HPSE2: variants seen among roughly 807,000 people sequenced by gnomAD.
The protein encoded by HPSE2 is heparanase 2 (inactive).
In HPSE2, 38 loss-of-function variants were observed where a neutral mutation model predicts 60.5. The observed-to-expected ratio is 0.63, with a 90% CI of 0.48 to 0.82. The LOEUF is 0.82. Among genes scored for constraint, HPSE2 ranks in the 40% least tolerant of loss-of-function variants. The pLI, the probability that HPSE2 is intolerant of heterozygous loss-of-function variation, is 0.00. For missense variants in HPSE2, 713 were observed against 740.4 expected (o/e 0.96, Z 0.43); for synonymous variants, 295 against 293.2 (o/e 1.01, Z -0.06).
intron 2 of HPSE2, among the ~76,000 whole-genome samples, chr10:99,167,199 C>A (rs1229747761): frequency 6.6e-6 from 1 of 151,970 alleles, no homozygotes; most frequent in African/African-American, 2.4e-5. Flanking sequence ...TTAGCAGAGA[C>A]GGAGTTTCAC....
intron 9 of HPSE2, among the ~76,000 whole-genome samples, chr10:98,498,656 G>A (rs891172646): frequency 6.6e-6 from 1 of 152,018 alleles, no homozygotes; most frequent in African/African-American, 2.4e-5. Context: ...AGAAATCCCT[G>A]ATTTACCTGA....
rs571562550 is a variant in HPSE2, at chr10:98,840,387, G to T, written c.611-96331C>A. ...CAGAGGAATGCCTTGAAGTCTGAAAGTATGAAGAAAGAATAAATCTGACAG... is the reference window on the plus strand; with the variant it reads ...CAGAGGAATGCCTTGAAGTCTGAAATTATGAAGAAAGAATAAATCTGACAG... On this transcript the variant is annotated intron_variant, in intron 3 of 11. Transcript: ENST00000370552. Among the ~76,000 whole-genome samples the T allele has an allele frequency of 2.6e-5, 4 of 152,316 alleles. No homozygotes were observed. The East Asian group carries it at 5.8e-4, about 22-fold the overall frequency.
At chr10:99,278,717 T>A in the HPSE2 span, among the ~76,000 whole-genome samples, 1 of 152,222 alleles carries the variant, frequency 6.6e-6, no homozygotes, top group African/African-American at 2.4e-5. Context: ...CCACTAAACT[T>A]ACTGTGTGAT....
At chr10:98,770,818 C>T (rs1565151439) in intron 3 of HPSE2, among the ~76,000 whole-genome samples, 1 of 152,128 alleles carries the variant, frequency 6.6e-6, no homozygotes, top group South Asian at 2.1e-4. Context: ...AGCAAAAAAG[C>T]AGGGAATACG....
chr10:99,175,533 A>C (rs1564869355), intron 2 of HPSE2, among the ~76,000 whole-genome samples: 1 of 152,224 alleles, frequency 6.6e-6, no homozygotes, highest in Non-Finnish European at 1.5e-5. Context: ...AGCCCACCAC[A>C]GCTCAGCAAG....
chr10:98,975,046 A>G (rs10883235), intron 3 of HPSE2, among the ~76,000 whole-genome samples: 72,290 of 151,998 alleles, frequency 0.48, 19,236 homozygotes, highest in East Asian at 0.62. Context: ...TGAAGCCTGA[A>G]CTATGAAAAT....
chr10:99,216,624 T>C (rs1442743037), intron 2 of HPSE2, among the ~76,000 whole-genome samples: 3 of 152,246 alleles, frequency 2.0e-5, no homozygotes, highest in Non-Finnish European at 2.9e-5. Flanking sequence ...GTAATTTGCC[T>C]GTTCAGATTT....
intron 6 of HPSE2, among the ~76,000 whole-genome samples, chr10:98,646,292 T>C (rs561029843): frequency 6.7e-6 from 1 of 149,384 alleles, no homozygotes; most frequent in Non-Finnish European, 1.5e-5. Flanking sequence ...CTAAAAATGA[T>C]GATAATGGTG....
chr10:99,216,273 C>A (rs1849122644), intron 2 of HPSE2, among the ~76,000 whole-genome samples: 1 of 145,744 alleles, frequency 6.9e-6, no homozygotes, highest in Non-Finnish European at 1.5e-5. Flanking sequence ...TGGCTCACTG[C>A]AACTTCTACC....
At chr10:99,281,307 T>C in the HPSE2 span, among the ~76,000 whole-genome samples, 1 of 148,354 alleles carries the variant, frequency 6.7e-6, no homozygotes, top group African/African-American at 2.5e-5. Flanking sequence ...ATGTTACTTA[T>C]TATTGTACTA....
chr10:98,874,993 G>A (rs752718509), intron 3 of HPSE2, among the ~76,000 whole-genome samples: 1 of 151,996 alleles, frequency 6.6e-6, no homozygotes, highest in Admixed American at 6.6e-5. Flanking sequence ...TTTTTGATGC[G>A]CTGCTGGATT....
intron 3 of HPSE2, among the ~76,000 whole-genome samples, chr10:98,925,156 T>TCGTTAAATCCAAGTACTGTGAATATGA (rs1315259667): frequency 6.6e-6 from 1 of 152,202 alleles, no homozygotes; most frequent in African/African-American, 2.4e-5. Context: ...AATGCCTCTG[T>TCGTTAAATCCAAGTACTGTGAATATGA]CGTTAAATCC....
At chr10:98,693,799 G>A in intron 6 of HPSE2, 101 bp downstream of exon 6, 1 of 1,002,498 alleles carries the variant, frequency 1.0e-6, no homozygotes, top group Non-Finnish European at 1.6e-6. Flanking sequence ...GGAGGATGAA[G>A]GATAGCTTAT....
chr10:98,842,541 T>TAAA (rs200946689), intron 3 of HPSE2, among the ~76,000 whole-genome samples: 17,743 of 135,014 alleles, frequency 0.13, 1,511 homozygotes, highest in African/African-American at 0.24. Context: ...TAAGTGTCTT[T>TAAA]AAAAAAAAAA....
At chr10:98,648,161 C>A (rs571544833) in intron 6 of HPSE2, among the ~76,000 whole-genome samples, 23 of 152,312 alleles carry the variant, frequency 1.5e-4, no homozygotes, top group African/African-American at 5.1e-4. Flanking sequence ...TCTTTGCACA[C>A]TTTGGGTCCT....
chr10:98,570,598 A>T (rs1236787438), intron 9 of HPSE2, among the ~76,000 whole-genome samples: 1 of 152,092 alleles, frequency 6.6e-6, no homozygotes, highest in African/African-American at 2.4e-5. Flanking sequence ...GTTAGTAATG[A>T]CTTGGTAGTT....
intron 3 of HPSE2, chr10:99,048,245 GA>G (rs780298429): frequency 6.9e-5 from 38 of 548,270 alleles, no homozygotes; most frequent in Admixed American, 1.2e-4. Context: ...ATGCTTCAAA[GA>G]AGCAAATAAC....
chr10:98,893,226 C>G (rs1050859587), intron 3 of HPSE2, among the ~76,000 whole-genome samples: 1 of 152,140 alleles, frequency 6.6e-6, no homozygotes, highest in East Asian at 1.9e-4. Context: ...CACTACCACA[C>G]CTGGCTAATT....
Position 98,580,863 on chromosome 10 carries a change from T to TGTGTGTGTGTGTGA in HPSE2, c.1320+34040_1320+34041insTCACACACACACAC, listed in dbSNP as rs758991622. On this transcript the variant is annotated intron_variant, in intron 9 of 11. Coordinates refer to ENST00000370552, the MANE Select transcript of HPSE2 (RefSeq NM_021828.5). Reference sequence around the variant, plus strand: ...GTGTGTGTGTGTGTGTGTGTGTGTGTGATAAACATGATATATATAAAATAT... The same window carrying TGTGTGTGTGTGTGA: ...GTGTGTGTGTGTGTGTGTGTGTGTGTGTGTGTGTGTGTGAGATAAACATGATATATATAAAATAT... Among the ~76,000 whole-genome samples, 79 of 142,644 alleles carry TGTGTGTGTGTGTGA rather than the reference T, an allele frequency of 5.5e-4. 1 individual carries two copies. Among genetic ancestry groups the TGTGTGTGTGTGTGA allele is most frequent in the African/African-American group, 1.6e-3 (61 of 38,098 alleles). 93.6% of individuals were successfully genotyped at this position (142,644 alleles called of 152,430 possible). A position where few individuals can be genotyped will look rare whatever the true frequency, so the allele number is the denominator to read the frequency against.
Sources: allele counts gnomAD v4.1 joint callset (sites outside exome capture counted in the v4.1 genomes callset), GRCh38; gene constraint gnomAD v4.1.1; transcripts MANE v1.5; gene names NCBI Gene and HGNC (gene_info 2026-07-23, HGNC 2026-07-21).